SH3PXD2B: variants seen among roughly 807,000 people sequenced by gnomAD.
SH3PXD2B encodes the protein SH3 and PX domain-containing protein 2B.
A neutral mutation model predicts 73.1 loss-of-function variants in SH3PXD2B; 37 were observed. That is an observed-to-expected ratio of 0.51 (90% CI 0.39 to 0.67). SH3PXD2B has a LOEUF of 0.67. Among genes scored for constraint, SH3PXD2B ranks in the 30% least tolerant of loss-of-function variants. The pLI is 0.00. For missense variants in SH3PXD2B, 1,053 were observed against 1,197.8 expected (o/e 0.88, Z 1.78); for synonymous variants, 457 against 480.5 (o/e 0.95, Z 0.64).
At chr5:172,386,956 G>A (rs1295863210) in intron 4 of SH3PXD2B, among the ~76,000 whole-genome samples, 3 of 152,136 alleles carry the variant, frequency 2.0e-5, no homozygotes, top group African/African-American at 4.8e-5. Context: ...AAGTTTTCTC[G>A]AAGACATATT....
chr5:172,384,007 C>T (rs139690246), intron 4 of SH3PXD2B, among the ~76,000 whole-genome samples: 10,398 of 152,046 alleles, frequency 0.068, 488 homozygotes, highest in South Asian at 0.2. Context: ...CCACCCCACC[C>T]GGCTAATTTT....
At chr5:172,420,588 A>G (rs150276475) in intron 2 of SH3PXD2B, among the ~76,000 whole-genome samples, 286 of 152,350 alleles carry the variant, frequency 1.9e-3, no homozygotes, top group African/African-American at 6.5e-3. Flanking sequence ...TCTGACGGCC[A>G]GGAAATGTTG....
At chr5:172,381,446 G>A (rs752937812) in intron 5 of SH3PXD2B, among the ~76,000 whole-genome samples, 26 of 152,202 alleles carry the variant, frequency 1.7e-4, no homozygotes, top group African/African-American at 3.1e-4. Context: ...GTAAGCAGGC[G>A]GTGCTAGAGT....
chr5:172,399,394 C>T (rs924494474), intron 3 of SH3PXD2B, among the ~76,000 whole-genome samples: 1 of 152,168 alleles, frequency 6.6e-6, no homozygotes, highest in African/African-American at 2.4e-5. Context: ...TAAATACTGC[C>T]TTACAGGATT....
chr5:172,343,512 GA>G (rs1438039403), intron 12 of SH3PXD2B, among the ~76,000 whole-genome samples: 1 of 152,140 alleles, frequency 6.6e-6, no homozygotes, highest in African/African-American at 2.4e-5. Context: ...GCAAATGCAA[GA>G]TCAGAAGCCG....
In SH3PXD2B at chr5:172,353,964, G is replaced by T. The variant is rs1445075507; in HGVS notation, c.709C>A (p.Gln237Lys). Residue 237 changes from glutamine (Q) to lysine (K), a missense_variant, in exon 9 of 13, where the codon CAG becomes AAG. Transcript: ENST00000311601. This position sits in a 1 kb window ranked among gnomAD's most constrained non-coding sequence, Gnocchi z 4.3. ...CCTCTCTCCAGGTTCATTTCATCCT[G>T]GTCCCGAGCTGTGTACGGGTAGATG... Reference protein sequence around the residue: ...TVIYPYTARDQDEMNLERGAV... With the variant: ...TVIYPYTARDKDEMNLERGAV... The T allele has an allele frequency of 1.2e-6, 2 of 1,614,100 alleles. No homozygotes were observed. The highest frequency in any genetic ancestry group is 2.2e-5 in the South Asian group (2 of 91,078).
chr5:172,335,283 C>A lies in SH3PXD2B; in HGVS notation c.*3086G>T, dbSNP rs1756660323. 1.8e-6 allele frequency: 2 copies of A among 1,131,168 alleles called. No individual in the cohort carries two copies. The highest frequency in any genetic ancestry group is 4.4e-5 in the South Asian group (1 of 22,548). The allele number at this position is 1,131,168 out of a possible 1,614,324, so 70.1% of individuals were successfully genotyped here. A position where few individuals can be genotyped will look rare whatever the true frequency, so the allele number is the denominator to read the frequency against. On this transcript the variant is annotated 3_prime_UTR_variant, in exon 13 of 13. Coordinates refer to ENST00000311601, the MANE Select transcript of SH3PXD2B (RefSeq NM_001017995.3). The stretch of plus-strand genomic sequence containing the variant: ...GCCCACCTTTTGGGCTGCCATTTGG[C>A]CTGTGACCTACTGAAATGTGTGAGC...
rs1759341227 is a variant in SH3PXD2B, at chr5:172,435,048, G to A, written c.76-12552C>T. Reference sequence around the variant, plus strand: ...AATCCACCCTCCTTGGCTTCCCAAAGTGCTGGGATTACAGACGTGAGCCAC... The same window carrying A: ...AATCCACCCTCCTTGGCTTCCCAAAATGCTGGGATTACAGACGTGAGCCAC... On this transcript the variant is annotated intron_variant, in intron 1 of 12. Coordinates refer to ENST00000311601, the MANE Select transcript of SH3PXD2B (RefSeq NM_001017995.3). Among the ~76,000 whole-genome samples, 3 of 152,170 alleles carry A rather than the reference G, an allele frequency of 2.0e-5. 1 individual carries two copies. In the South Asian group the frequency reaches 6.2e-4, roughly 31 times the overall value.
chr5:172,422,965 C>T (rs17653380), intron 1 of SH3PXD2B, among the ~76,000 whole-genome samples: 2 of 152,060 alleles, frequency 1.3e-5, no homozygotes, highest in Non-Finnish European at 2.9e-5. Flanking sequence ...GTTATTTTTT[C>T]CCCGAGTCCC....
intron 1 of SH3PXD2B, among the ~76,000 whole-genome samples, chr5:172,452,425 G>C (rs751498820): frequency 6.6e-6 from 1 of 152,168 alleles, no homozygotes; most frequent in Non-Finnish European, 1.5e-5. Context: ...AGAGGACTTT[G>C]CTCAGAGAAA....
At chr5:172,366,931 C>CCTTTTTTTTTT (rs1226783777) in intron 6 of SH3PXD2B, among the ~76,000 whole-genome samples, 5 of 69,676 alleles carry the variant, frequency 7.2e-5, no homozygotes, top group Admixed American at 1.7e-4. Context: ...CGTGCCCGGC[C>CCTTTTTTTTTT]ATTTTTTTTT....
In SH3PXD2B at chr5:172,339,453, C is replaced by T. The variant is rs1336222074; in HGVS notation, c.1652G>A (p.Gly551Asp). 1.6e-5 allele frequency: 26 copies of T among 1,613,940 alleles called. No homozygotes were observed. Among genetic ancestry groups the T allele is most frequent in the Admixed American group, 3.3e-5 (2 of 60,024 alleles). ...RERQRTEQLR[G>D]PTPKPPGVIL... The stretch of plus-strand genomic sequence containing the variant: ...CACGCCCGGAGGCTTGGGAGTGGGG[C>T]CCCGGAGCTGCTCCGTCCTCTGCCG... The change falls in exon 13 of 13, where the codon GGC becomes GAC. Residue 551 changes from glycine (G) to aspartate (D), a missense_variant. By Grantham distance (94) the Gly-to-Asp change is moderately conservative. Coordinates refer to ENST00000311601, the MANE Select transcript of SH3PXD2B (RefSeq NM_001017995.3). The surrounding 1 kb of genome is among the most constrained non-coding windows in gnomAD (Gnocchi z 6.1).
chr5:172,394,722 T>G (rs1581305085), intron 3 of SH3PXD2B, 83 bp from the exon 4 acceptor site: 6 of 1,469,242 alleles, frequency 4.1e-6, no homozygotes, highest in African/African-American at 1.4e-5. Context: ...GACATGGCGG[T>G]TCCTAGGGTA....
At position 172,454,423 on chromosome 5, in the gene SH3PXD2B, G is replaced by T; in HGVS notation, c.-71C>A. ...GCGGGGTGCAGGGAGCGCTGGGGGC[G>T]CGCCGCCGCGGGCAGGGAACCTGGA... On this transcript the variant is annotated 5_prime_UTR_variant, in exon 1 of 13. Transcript: ENST00000311601. The T allele has an allele frequency of 2.0e-6, 2 of 979,696 alleles. No homozygotes were observed. The highest frequency in any genetic ancestry group is 2.6e-6 in the Non-Finnish European group (2 of 780,542). 60.7% of individuals were successfully genotyped at this position (979,696 alleles called of 1,614,324 possible).
chr5:172,352,356 C>G (rs564179522), intron 9 of SH3PXD2B, among the ~76,000 whole-genome samples: 1 of 152,018 alleles, frequency 6.6e-6, no homozygotes, highest in Non-Finnish European at 1.5e-5. Flanking sequence ...TCCTGGGTAG[C>G]TGGGACTACA....
chr5:172,382,327 T>C (rs1409485940), intron 4 of SH3PXD2B, among the ~76,000 whole-genome samples, 200 bp from the exon 5 acceptor site: 1 of 151,800 alleles, frequency 6.6e-6, no homozygotes, highest in Non-Finnish European at 1.5e-5. Flanking sequence ...CACACACACA[T>C]ACAAACACAA....
At chr5:172,382,575 A>G (rs1236901899) in intron 4 of SH3PXD2B, among the ~76,000 whole-genome samples, 2 of 151,926 alleles carry the variant, frequency 1.3e-5, no homozygotes, top group Non-Finnish European at 2.9e-5. Context: ...ACACACACAC[A>G]CACACAATGT....
At chr5:172,435,609 A>G (rs1260139948) in intron 1 of SH3PXD2B, among the ~76,000 whole-genome samples, 1 of 152,168 alleles carries the variant, frequency 6.6e-6, no homozygotes, top group Non-Finnish European at 1.5e-5. Flanking sequence ...TTTTTTGTAG[A>G]GATGGGATCT....
chr5:172,435,634 G>A (rs1207610088), intron 1 of SH3PXD2B, among the ~76,000 whole-genome samples: 2 of 152,286 alleles, frequency 1.3e-5, no homozygotes, highest in South Asian at 2.1e-4. Flanking sequence ...ATGCTGACCA[G>A]CATGGTCTGG....
Sources: allele counts gnomAD v4.1 joint callset (sites outside exome capture counted in the v4.1 genomes callset), GRCh38; gene constraint gnomAD v4.1.1; non-coding constraint Gnocchi (gnomAD v3.1); transcripts MANE v1.5; gene names NCBI Gene and HGNC (gene_info 2026-07-23, HGNC 2026-07-21).